The following KCNJ16 variants were observed in gnomAD, a reference collection of about 807,000 sequenced individuals.
The protein encoded by KCNJ16 is inward rectifier potassium channel 16.
Under a neutral mutation model 18.5 loss-of-function variants are expected in KCNJ16, and 15 were observed. The ratio of observed to expected loss-of-function variants is 0.81; its 90% CI spans 0.54 to 1.25. The LOEUF (loss-of-function observed/expected upper bound fraction) is 1.25, where lower values mean the gene tolerates loss of function less well. Among genes scored for constraint, KCNJ16 ranks in the 50% most tolerant of loss-of-function variants. The pLI, the probability that KCNJ16 is intolerant of heterozygous loss-of-function variation, is 0.00. For missense variants in KCNJ16, 523 were observed against 525.7 expected (o/e 0.99, Z 0.05); for synonymous variants, 174 against 186.5 (o/e 0.93, Z 0.55).
intron 2 of KCNJ16, among the ~76,000 whole-genome samples, chr17:70,113,942 G>A (rs149594577): frequency 3.5e-4 from 53 of 152,152 alleles, no homozygotes; most frequent in African/African-American, 6.7e-4. Flanking sequence ...CTGCTAAGAG[G>A]CCTTGAGAAG....
chr17:70,103,237 TTA>T (rs1324007622), intron 2 of KCNJ16, among the ~76,000 whole-genome samples: 2 of 140,300 alleles, frequency 1.4e-5, no homozygotes, highest in African/African-American at 2.6e-5. Context: ...TATTATATAT[TTA>T]TGTGTATATA....
At chr17:70,096,931 G>A (rs1471314279) in intron 1 of KCNJ16, 12 of 398,172 alleles carry the variant, frequency 3.0e-5, no homozygotes, top group East Asian at 2.1e-4. Flanking sequence ...AGAAAGGTAC[G>A]TGACACAGCC....
intron 1 of KCNJ16, among the ~76,000 whole-genome samples, chr17:70,092,899 A>G (rs1320711713): frequency 6.6e-6 from 1 of 152,184 alleles, no homozygotes; most frequent in East Asian, 1.9e-4. Flanking sequence ...AGCAGATTGC[A>G]TGATGCCCCC....
chr17:70,116,953 G>T (rs144924543), intron 2 of KCNJ16, among the ~76,000 whole-genome samples: 1 of 152,080 alleles, frequency 6.6e-6, no homozygotes, highest in African/African-American at 2.4e-5. Context: ...CTGTTACTGG[G>T]TATATATTCA....
intron 2 of KCNJ16, among the ~76,000 whole-genome samples, chr17:70,119,266 A>T (rs2073536949): frequency 6.6e-6 from 1 of 152,196 alleles, no homozygotes; most frequent in Admixed American, 6.5e-5. Flanking sequence ...GAATGCATGT[A>T]GCTTTTCCAT....
At chr17:70,108,891 T>C (rs1331597012) in intron 2 of KCNJ16, among the ~76,000 whole-genome samples, 1 of 152,052 alleles carries the variant, frequency 6.6e-6, no homozygotes, top group Non-Finnish European at 1.5e-5. Flanking sequence ...TGCTTGTGAG[T>C]TTCTCCAATC....
chr17:70,127,883 T>C (rs2073908948), intron 2 of KCNJ16, among the ~76,000 whole-genome samples: 1 of 152,230 alleles, frequency 6.6e-6, no homozygotes, highest in South Asian at 2.1e-4. Flanking sequence ...AATTGTGTTT[T>C]CTGAAGAAAT....
chr17:70,118,448 G>A (rs2073499643), intron 2 of KCNJ16, among the ~76,000 whole-genome samples: 1 of 151,642 alleles, frequency 6.6e-6, no homozygotes, highest in Non-Finnish European at 1.5e-5. Context: ...AATAAATGCT[G>A]AAAAAAAAGA....
intron 1 of KCNJ16, among the ~76,000 whole-genome samples, chr17:70,080,939 G>A (rs1357298345): frequency 6.6e-6 from 1 of 152,122 alleles, no homozygotes; most frequent in Non-Finnish European, 1.5e-5. Flanking sequence ...GCTAAACTAG[G>A]GCTTAATAGC....
chr17:70,125,130 G>A lies in KCNJ16; in HGVS notation c.-190-5749G>A, dbSNP rs116210083. 4.3e-3 allele frequency among the ~76,000 whole-genome samples: 652 copies of A among 152,174 alleles called. 6 individuals carry two copies. The highest frequency in any genetic ancestry group is 0.015 in the African/African-American group (606 of 41,518). On this transcript the variant is annotated intron_variant, in intron 2 of 3. Coordinates refer to ENST00000392671, the MANE Select transcript of KCNJ16 (RefSeq NM_170741.4). Reference sequence around the variant, plus strand: ...ATAAATAAAAAATTAGCCAGCCATAGTGGCACACATCTACAGTCCCAGCTA... The same window carrying A: ...ATAAATAAAAAATTAGCCAGCCATAATGGCACACATCTACAGTCCCAGCTA...
chr17:70,133,509 G>T lies in KCNJ16; in HGVS notation c.*165G>T. 1 of 588,956 alleles carries T rather than the reference G, an allele frequency of 1.7e-6. No homozygotes were observed. The highest frequency in any genetic ancestry group is 2.9e-6 in the Non-Finnish European group (1 of 346,806). 36.5% of individuals were successfully genotyped at this position (588,956 alleles called of 1,614,324 possible). On this transcript the variant is annotated 3_prime_UTR_variant, in exon 4 of 4. Transcript: ENST00000392671. ...TAAAAGATAATCTAAAAATTCCATAGTTCTCAGTTATTAAAATTTTTCTTG... is the reference window on the plus strand; with the variant it reads ...TAAAAGATAATCTAAAAATTCCATATTTCTCAGTTATTAAAATTTTTCTTG...
At chr17:70,108,626 C>G (rs1460219203) in intron 2 of KCNJ16, among the ~76,000 whole-genome samples, 1 of 152,086 alleles carries the variant, frequency 6.6e-6, no homozygotes, top group Non-Finnish European at 1.5e-5. Flanking sequence ...CTCTATTAAA[C>G]AAAAGAGGTA....
At chr17:70,112,821 C>A (rs898499019) in intron 2 of KCNJ16, among the ~76,000 whole-genome samples, 5 of 152,088 alleles carry the variant, frequency 3.3e-5, no homozygotes, top group African/African-American at 9.7e-5. Context: ...TATTGGAAAT[C>A]TTTCTCCATG....
chr17:70,086,284 CTAAAAT>C (rs763987070), intron 1 of KCNJ16, among the ~76,000 whole-genome samples: 12 of 152,282 alleles, frequency 7.9e-5, no homozygotes, highest in Non-Finnish European at 1.5e-4. Flanking sequence ...AAGTCATCCA[CTAAAAT>C]ATTTTGTTTG....
At chr17:70,094,522 T>C (rs2072263578) in intron 1 of KCNJ16, among the ~76,000 whole-genome samples, 1 of 152,158 alleles carries the variant, frequency 6.6e-6, no homozygotes, top group South Asian at 2.1e-4. Flanking sequence ...ATGTATTTTA[T>C]CTACAGAGAT....
intron 2 of KCNJ16, 29 bp from the exon 3 acceptor site, chr17:70,130,850 A>G: frequency 1.0e-6 from 1 of 980,030 alleles, no homozygotes; most frequent in Non-Finnish European, 1.6e-6. Flanking sequence ...ATTGGCTACA[A>G]TACTTTTATT....
At chr17:70,094,857 T>A (rs1284085964) in intron 1 of KCNJ16, among the ~76,000 whole-genome samples, 1 of 152,132 alleles carries the variant, frequency 6.6e-6, no homozygotes, top group Admixed American at 6.5e-5. Flanking sequence ...GAACTCTTGC[T>A]CTCCAAATCC....
chr17:70,098,291 A>G (rs1263130927), intron 1 of KCNJ16, among the ~76,000 whole-genome samples: 1 of 152,218 alleles, frequency 6.6e-6, no homozygotes, highest in African/African-American at 2.4e-5. Context: ...ACTGGAGAAC[A>G]AAAGCAAACA....
At chr17:70,112,842 A>G (rs1175823493) in intron 2 of KCNJ16, among the ~76,000 whole-genome samples, 4 of 152,208 alleles carry the variant, frequency 2.6e-5, no homozygotes, top group African/African-American at 9.6e-5. Context: ...TAGCCATACC[A>G]TACACATTCT....
Sources: allele counts gnomAD v4.1 joint callset (sites outside exome capture counted in the v4.1 genomes callset), GRCh38; gene constraint gnomAD v4.1.1; transcripts MANE v1.5; gene names NCBI Gene and HGNC (gene_info 2026-07-23, HGNC 2026-07-21).